PAPPA2: variants seen among roughly 807,000 people sequenced by gnomAD.
The protein encoded by PAPPA2 is pappalysin 2.
Under a neutral mutation model 176.4 loss-of-function variants are expected in PAPPA2, and 86 were observed. The ratio of observed to expected loss-of-function variants is 0.49; its 90% CI spans 0.41 to 0.58. The LOEUF is 0.58. Among genes scored for constraint, PAPPA2 ranks in the 20% least tolerant of loss-of-function variants. The pLI, the probability that PAPPA2 is intolerant of heterozygous loss-of-function variation, is 0.00. For missense variants in PAPPA2, 2,073 were observed against 2,256.9 expected, an observed-to-expected ratio of 0.92 and a Z score of 1.65; for synonymous variants, 809 against 852.2, an observed-to-expected ratio of 0.95 and a Z score of 0.88.
chr1:176,709,043 T>C (rs920605599), intron 10 of PAPPA2, among the ~76,000 whole-genome samples: 1 of 152,164 alleles, frequency 6.6e-6, no homozygotes, highest in African/African-American at 2.4e-5. Flanking sequence ...CTATCTACAT[T>C]TGAAGGCAGT....
chr1:176,710,512 A>C (rs943134311), intron 11 of PAPPA2, among the ~76,000 whole-genome samples: 3 of 152,220 alleles, frequency 2.0e-5, no homozygotes, highest in Non-Finnish European at 2.9e-5. Context: ...TTTATTATTG[A>C]AGAAACCCTT....
At chr1:176,674,687 AT>A (rs1659191121) in intron 4 of PAPPA2, among the ~76,000 whole-genome samples, 3 of 149,924 alleles carry the variant, frequency 2.0e-5, no homozygotes, top group Admixed American at 6.7e-5. Context: ...GACTGGTTCC[AT>A]ATTGCTGCAA....
chr1:176,487,647 C>G (rs1652704735), intron 1 of PAPPA2, among the ~76,000 whole-genome samples: 1 of 152,122 alleles, frequency 6.6e-6, no homozygotes, highest in Non-Finnish European at 1.5e-5. Flanking sequence ...ATTGTCTTGA[C>G]TCTAATAAGC....
intron 19 of PAPPA2, among the ~76,000 whole-genome samples, chr1:176,791,949 G>A (rs1218831597): frequency 6.6e-6 from 1 of 152,170 alleles, no homozygotes; most frequent in African/African-American, 2.4e-5. Flanking sequence ...CAACTTTGAG[G>A]GGCCTAGACC....
chr1:176,763,082 C>G (rs1663770279), intron 14 of PAPPA2, among the ~76,000 whole-genome samples: 1 of 152,174 alleles, frequency 6.6e-6, no homozygotes, highest in African/African-American at 2.4e-5. Flanking sequence ...TAAGTCAAGT[C>G]TCAATTATTT....
At chr1:176,666,114 A>T (rs925891138) in intron 3 of PAPPA2, among the ~76,000 whole-genome samples, 2 of 152,230 alleles carry the variant, frequency 1.3e-5, no homozygotes, top group African/African-American at 4.8e-5. Context: ...TTTAAAAATT[A>T]GAACTGAAAA....
chr1:176,671,480 G>A (rs1658994544), intron 4 of PAPPA2, among the ~76,000 whole-genome samples: 1 of 152,144 alleles, frequency 6.6e-6, no homozygotes, highest in Non-Finnish European at 1.5e-5. Flanking sequence ...CATGATCACT[G>A]TTCTAGAAGA....
chr1:176,738,531 C>G (rs1662523777), intron 12 of PAPPA2, among the ~76,000 whole-genome samples: 1 of 152,054 alleles, frequency 6.6e-6, no homozygotes, highest in Non-Finnish European at 1.5e-5. Flanking sequence ...GATGTTGTAC[C>G]CTGCTTTTAC....
Position 176,771,214 on chromosome 1 carries a change from C to CTGGT in PAPPA2, c.4715+34_4715+35insTGGT, listed in dbSNP as rs1295261053. ...AATGTTCCTGGTCTTTGGAGTTCTACCTACCTCGCTGCTTGTTATGTTTGT... is the reference window on the plus strand; with the variant it reads ...AATGTTCCTGGTCTTTGGAGTTCTACTGGTCTACCTCGCTGCTTGTTATGTTTGT... On this transcript the variant is annotated intron_variant, in intron 17 of 22. Transcript: ENST00000367662. 3 of 1,586,010 alleles carry CTGGT rather than the reference C, an allele frequency of 1.9e-6. No individual in the cohort carries two copies. The African/African-American group carries it at 4.0e-5, about 21-fold the overall frequency.
chr1:176,710,708 T>C, intron 11 of PAPPA2, among the ~76,000 whole-genome samples: 1 of 152,308 alleles, frequency 6.6e-6, no homozygotes, highest in Non-Finnish European at 1.5e-5. Context: ...TGAAATAAAC[T>C]CTTCCATTTA....
intron 21 of PAPPA2, among the ~76,000 whole-genome samples, chr1:176,802,952 T>C (rs572572645): frequency 1.1e-4 from 17 of 152,234 alleles, no homozygotes; most frequent in Non-Finnish European, 2.1e-4. Flanking sequence ...AAGCCAGTTG[T>C]TGCTGCTTGT....
chr1:176,470,542 A>G (rs1651823193), intron 1 of PAPPA2, among the ~76,000 whole-genome samples: 1 of 152,200 alleles, frequency 6.6e-6, no homozygotes, highest in African/African-American at 2.4e-5. Context: ...GACACCAGCC[A>G]GAAATTAGGC....
intron 21 of PAPPA2, among the ~76,000 whole-genome samples, chr1:176,815,920 G>A (rs113130201): frequency 2.4e-4 from 37 of 151,794 alleles, no homozygotes; most frequent in African/African-American, 6.5e-4. Context: ...TCAGATATGC[G>A]TTTGTCTCAG....
At chr1:176,652,199 T>A (rs1657768873) in intron 3 of PAPPA2, among the ~76,000 whole-genome samples, 1 of 151,588 alleles carries the variant, frequency 6.6e-6, no homozygotes, top group Admixed American at 6.6e-5. Context: ...GGATCCTGGT[T>A]CCCTATTTGC....
chr1:176,631,548 A>G (rs1223403121), intron 3 of PAPPA2, among the ~76,000 whole-genome samples: 5 of 152,218 alleles, frequency 3.3e-5, no homozygotes, highest in Non-Finnish European at 7.3e-5. Flanking sequence ...TATAAATTCT[A>G]TATCAATAAA....
At chr1:176,489,206 T>G (rs1572961781) in intron 1 of PAPPA2, among the ~76,000 whole-genome samples, 2 of 152,206 alleles carry the variant, frequency 1.3e-5, no homozygotes, top group African/African-American at 4.8e-5. Flanking sequence ...TTTTCTATCA[T>G]GCCCTGTTCT....
intron 2 of PAPPA2, among the ~76,000 whole-genome samples, chr1:176,562,790 G>A (rs1406256795): frequency 6.6e-6 from 1 of 152,226 alleles, no homozygotes; most frequent in East Asian, 1.9e-4. Flanking sequence ...TCTTTGTGTA[G>A]AAGGTTTTAT....
At chr1:176,806,471 G>A (rs923520049) in intron 21 of PAPPA2, among the ~76,000 whole-genome samples, 1 of 152,198 alleles carries the variant, frequency 6.6e-6, no homozygotes, top group Non-Finnish European at 1.5e-5. Flanking sequence ...TGGAAGTAAA[G>A]TAGGGACAAT....
rs183641692 is a variant in PAPPA2 at position 176,595,524 on chromosome 1, C to G, written c.1920C>G (p.Asp640Glu). 6.2e-7 allele frequency: 1 copy of G among 1,614,122 alleles called. No homozygotes were observed. Among genetic ancestry groups the G allele is most frequent in the Non-Finnish European group, 8.5e-7 (1 of 1,180,026 alleles). ...GTAACAACATGCTGAACGACTTTGA[C>G]GACGGAGACTGCTGCGACCCCCAGG... The part of the protein sequence containing the change: ...VECNNMLNDF[D>E]DGDCCDPQVA... The change falls in exon 3 of 23, where the codon GAC (aspartate) becomes GAG (glutamate). Residue 640 changes from aspartate (D) to glutamate (E), a missense_variant. Asp to Glu is a conservative substitution (Grantham distance 45). This residue lies in a region of PAPPA2 where 1,196 missense variants were observed against 1,330.4 expected (regional missense o/e 0.90). Transcript: ENST00000367662.
Sources: gnomAD v4.1 joint callset for allele counts (sites outside exome capture counted in the v4.1 genomes callset) on GRCh38, gnomAD v4.1.1 for gene constraint, gnomAD v4.1.1 regional missense constraint, MANE v1.5 for transcripts, NCBI Gene and HGNC (gene_info 2026-07-23, HGNC 2026-07-21) for gene names.